The following PKD1 variants were observed in gnomAD, a reference collection of about 807,000 sequenced individuals.
PKD1 encodes the protein polycystin 1, transient receptor potential channel interacting.
PKD1 carries 81 observed loss-of-function variants against 361.7 expected under a neutral mutation model. That is an observed-to-expected ratio of 0.22 (90% CI 0.19 to 0.27). The LOEUF (loss-of-function observed/expected upper bound fraction) is 0.27, where lower values mean the gene tolerates loss of function less well. PKD1 is among the 10% of genes least tolerant of loss of function. The pLI, the probability that PKD1 is intolerant of heterozygous loss-of-function variation, is 1.00. For missense variants in PKD1, 6,399 were observed against 6,118.3 expected (o/e 1.05, Z -1.53); for synonymous variants, 3,615 against 2,818.3 (o/e 1.28, Z -8.95).
chr16:2,090,200 G>T lies in PKD1; in HGVS notation c.12445-6C>A. Reference sequence around the variant, plus strand: ...AAGCGGACTTTGTGGCGGAACTGGGGGCGGCACAGGGGCTCAGTCAGTCCG... The same window carrying T: ...AAGCGGACTTTGTGGCGGAACTGGGTGCGGCACAGGGGCTCAGTCAGTCCG... On this transcript the variant is annotated splice_polypyrimidine_tract_variant and splice_region_variant and intron_variant, in intron 45 of 45. Coordinates refer to ENST00000262304, the MANE Select transcript of PKD1 (RefSeq NM_001009944.3). 6.2e-7 allele frequency: 1 copy of T among 1,606,628 alleles called. No homozygotes were observed. The highest frequency in any genetic ancestry group is 8.5e-7 in the Non-Finnish European group (1 of 1,176,666).
Position 2,094,027 on chromosome 16 carries a change from G to C in PKD1, c.10619-14C>G. The C allele has an allele frequency of 6.3e-7, 1 of 1,591,420 alleles. No individual in the cohort carries two copies. Among genetic ancestry groups the C allele is most frequent in the Admixed American group, 1.7e-5 (1 of 57,392 alleles). ...CCTCCACCAGTCCTGGGGAAGCAGAGACAGACCTGTGAGAGGCAGCTCACA... is the reference window on the plus strand; with the variant it reads ...CCTCCACCAGTCCTGGGGAAGCAGACACAGACCTGTGAGAGGCAGCTCACA... On this transcript the variant is annotated splice_polypyrimidine_tract_variant and intron_variant, in intron 35 of 45. Transcript: ENST00000262304.
In PKD1 at chr16:2,093,796, T is replaced by G; in HGVS notation, c.10821+15A>C. The G allele has an allele frequency of 6.4e-7, 1 of 1,554,602 alleles. No homozygotes were observed. The highest frequency in any genetic ancestry group is 1.9e-5 in the Admixed American group (1 of 53,260). On this transcript the variant is annotated intron_variant, in intron 36 of 45. Coordinates refer to ENST00000262304, the MANE Select transcript of PKD1 (RefSeq NM_001009944.3). ...GTGATGGAGGCCTGTAGCCTACCCC[T>G]GGCAGCCCCCTCACCTTCAGTGGCT...
At chr16:2,124,544 G>A (rs539304130) in intron 1 of PKD1, among the ~76,000 whole-genome samples, 1 of 152,198 alleles carries the variant, frequency 6.6e-6, no homozygotes, top group South Asian at 2.1e-4. Flanking sequence ...TGGGTGTGGG[G>A]CAGCTCCCGG....
In PKD1 at chr16:2,088,891, A is replaced by ACACC; in HGVS notation, c.*835_*836insGGTG. The ACACC allele has an allele frequency of 4.5e-6, 2 of 446,968 alleles. No homozygotes were observed. The highest frequency in any genetic ancestry group is 4.0e-6 in the Non-Finnish European group (1 of 247,646). 27.7% of individuals were successfully genotyped at this position (446,968 alleles called of 1,614,324 possible). ...CGCGCGTGCGCGCGCGCACACACAC[A>ACACC]CACACACAGTCACCTTCCTCCACCC... is the stretch of plus-strand genomic sequence containing the variant. On this transcript the variant is annotated 3_prime_UTR_variant, in exon 46 of 46. Transcript: ENST00000262304.
At position 2,109,952 on chromosome 16, in the gene PKD1, T is replaced by C. The variant is rs1392081711; in HGVS notation, c.5215A>G (p.Ser1739Gly). Residue 1739 changes from serine to glycine, a missense_variant, in exon 15 of 46, where the codon AGT (serine) becomes GGT (glycine). Physicochemically the swap from Ser to Gly is moderately conservative, Grantham distance 56 (BLOSUM62 0). Transcript: ENST00000262304. ...CCACTGCCACCAGCCAGCTCGGCAC[T>C]GAGGGTGACGCTTGTGTTGACGGCA... ...PAAVNTSVTLSAELAGGSGVV... is the reference protein window; with the variant it reads ...PAAVNTSVTLGAELAGGSGVV... The C allele has an allele frequency of 6.2e-7, 1 of 1,609,998 alleles. No homozygotes were observed. The highest frequency in any genetic ancestry group is 1.3e-5 in the African/African-American group (1 of 74,844).
intron 1 of PKD1, among the ~76,000 whole-genome samples, chr16:2,130,373 C>G (rs1002031405): frequency 3.3e-5 from 5 of 152,302 alleles, no homozygotes; most frequent in Admixed American, 2.0e-4. Context: ...CTGGGCAGCT[C>G]CCTGTGGGAG....
In PKD1 at chr16:2,109,767, C is replaced by A. The variant is rs1266645537; in HGVS notation, c.5400G>T (p.Val1800=). Residue 1800 remains valine, a synonymous_variant, in exon 15 of 46, where the codon GTG becomes GTT. Coordinates refer to ENST00000262304, the MANE Select transcript of PKD1 (RefSeq NM_001009944.3). ...ANATVEVDVQ[V]PVSGLSIRAS... ...CCCTGATGCTGAGGCCACTCACAGG[C>A]ACCTGCACATCCACTTCCACGGTGG... 5 of 1,609,738 alleles carry A rather than the reference C, an allele frequency of 3.1e-6. No homozygotes were observed. The highest frequency in any genetic ancestry group is 1.1e-5 in the South Asian group (1 of 90,840).
Position 2,090,004 on chromosome 16 carries a change from G to A in PKD1, c.12635C>T (p.Pro4212Leu), listed in dbSNP as rs373239537. The A allele has an allele frequency of 1.9e-6, 3 of 1,610,130 alleles. No homozygotes were observed. Among genetic ancestry groups the A allele is most frequent in the African/African-American group, 2.7e-5 (2 of 75,038 alleles). ...GRLGTRCEPE[P>L]SRLQAVFEAL... Reference sequence around the variant, plus strand: ...CTCGAACACGGCTTGGAGGCGGGAGGGCTCAGGCTCACACCTTGTCCCCAG... The same window carrying A: ...CTCGAACACGGCTTGGAGGCGGGAGAGCTCAGGCTCACACCTTGTCCCCAG... Residue 4212 changes from proline (P) to leucine (L), a missense_variant, in exon 46 of 46, where the codon CCC (proline) becomes CTC (leucine). Physicochemically the swap from Pro to Leu is moderately conservative, Grantham distance 98 (BLOSUM62 -3). Coordinates refer to ENST00000262304, the MANE Select transcript of PKD1 (RefSeq NM_001009944.3).
At chr16:2,120,942 G>A (rs1473292758) in intron 1 of PKD1, among the ~76,000 whole-genome samples, 5 of 151,984 alleles carry the variant, frequency 3.3e-5, no homozygotes, top group East Asian at 1.9e-4. Context: ...ACGTGAACCC[G>A]GGAGGCGAAG....
Position 2,103,525 on chromosome 16 carries a change from G to C in PKD1, c.8532C>G (p.Val2844=), listed in dbSNP as rs771793824. Residue 2844 remains valine (V), a synonymous_variant, in exon 23 of 46, where the codon GTC becomes GTG. Transcript: ENST00000262304. ...FPFGYISNYT[V]STKVASMAFQ... is the part of the protein sequence containing the mutation. ...ATGCCATCGAGGCCACCTTGGTGGA[G>C]ACGGTGTAGTTGCTGATATAGCCAA... 1.8e-5 allele frequency: 29 copies of C among 1,607,264 alleles called. No homozygotes were observed. The highest frequency in any genetic ancestry group is 2.5e-5 in the Non-Finnish European group (29 of 1,179,714).
At position 2,089,812 on chromosome 16, in the gene PKD1, C is replaced by G. The variant is rs1188304476; in HGVS notation, c.12827G>C (p.Arg4276Pro). 1.9e-6 allele frequency: 3 copies of G among 1,600,346 alleles called. No homozygotes were observed. The highest frequency in any genetic ancestry group is 2.6e-6 in the Non-Finnish European group (3 of 1,174,244). ...LRPALPSRLARASRGVDLATG... is the reference protein window; with the variant it reads ...LRPALPSRLAPASRGVDLATG... ...GGCCAGGTCCACACCCCGACTGGCCCGGGCAAGGCGGCTGGGCAGTGCTGG... is the reference window on the plus strand; with the variant it reads ...GGCCAGGTCCACACCCCGACTGGCCGGGGCAAGGCGGCTGGGCAGTGCTGG... Residue 4276 changes from arginine to proline, a missense_variant, in exon 46 of 46, where the codon CGG (arginine) becomes CCG (proline). By Grantham distance (103) the Arg-to-Pro change is moderately radical. Transcript: ENST00000262304.
rs755858661 is a variant in PKD1 at position 2,111,264 on chromosome 16, G to A, written c.3903C>T (p.Pro1301=). ...VFVLEVLRVE[P]AACIPTQPDA... is the part of the protein sequence containing the mutation. ...CAGGCTGCGTGGGGATGCAGGCGGC[G>A]GGTTCAACGCGCAGCACCTCCAGGA... The change falls in exon 15 of 46, where the codon CCC becomes CCT. Residue 1301 remains proline, a synonymous_variant. Coordinates refer to ENST00000262304, the MANE Select transcript of PKD1 (RefSeq NM_001009944.3). 6.5e-5 allele frequency: 105 copies of A among 1,609,824 alleles called. No homozygotes were observed. In the East Asian group the frequency reaches 7.6e-4, roughly 12 times the overall value.
rs776890572 is a variant in PKD1, at chr16:2,109,071, G to T, written c.6096C>A (p.Ala2032=). The T allele has an allele frequency of 6.2e-7, 1 of 1,605,644 alleles. No homozygotes were observed. The highest frequency in any genetic ancestry group is 8.5e-7 in the Non-Finnish European group (1 of 1,175,130). Residue 2032 remains alanine, a synonymous_variant, in exon 15 of 46, where the codon GCC becomes GCA. Transcript: ENST00000262304. ...SGRDVTYTPV[A]AGLLEIQVRA... Reference sequence around the variant, plus strand: ...GCACCTGGATCTCCAACAGCCCCGCGGCCACGGGCGTGTAGGTGACGTCGC... The same window carrying T: ...GCACCTGGATCTCCAACAGCCCCGCTGCCACGGGCGTGTAGGTGACGTCGC...
At position 2,100,621 on chromosome 16, in the gene PKD1, C is replaced by T. The variant is rs570980086; in HGVS notation, c.9398-55G>A. On this transcript the variant is annotated intron_variant, in intron 26 of 45. Transcript: ENST00000262304. This position sits in a 1 kb window ranked among gnomAD's most constrained non-coding sequence, Gnocchi z 4.4. Reference sequence around the variant, plus strand: ...TCGGTCTGCTGCCCAACACGTGTGGCATCCCAGGCAAGTCATCTCAGCTTT... The same window carrying T: ...TCGGTCTGCTGCCCAACACGTGTGGTATCCCAGGCAAGTCATCTCAGCTTT... 20 of 1,481,026 alleles carry T rather than the reference C, an allele frequency of 1.4e-5. No individual in the cohort carries two copies. The African/African-American group carries it at 2.5e-4, about 18-fold the overall frequency. The allele number at this position is 1,481,026 out of a possible 1,614,324, so 91.7% of individuals were successfully genotyped here.
chr16:2,108,969 C>T lies in PKD1; in HGVS notation c.6198G>A (p.Leu2066=), dbSNP rs2092431386. The change falls in exon 15 of 46, where the codon CTG becomes CTA. Residue 2066 remains leucine (L), a synonymous_variant. Transcript: ENST00000262304. The part of the protein sequence containing the change: ...EVQDAVQYVA[L]QSGPCFTNRS... ...GGTTGGTGAAGCAGGGGCCGCTCTG[C>T]AGGGCCACATACTGGACGGCGTCCT... The T allele has an allele frequency of 6.2e-7, 1 of 1,609,664 alleles. No individual in the cohort carries two copies. The highest frequency in any genetic ancestry group is 8.5e-7 in the Non-Finnish European group (1 of 1,179,238).
chr16:2,092,601 G>GC lies in PKD1; in HGVS notation c.11157-10dup, dbSNP rs765537623. ...GCCAGAGCTCCTCAGACCTGCCACA[G>GC]CATCAGTCACACGCTCCAGCCCCTA... is the stretch of plus-strand genomic sequence containing the variant. On this transcript the variant is annotated splice_polypyrimidine_tract_variant and intron_variant, in intron 38 of 45. Transcript: ENST00000262304. 6.3e-7 allele frequency: 1 copy of GC among 1,586,098 alleles called. No individual in the cohort carries two copies. Among genetic ancestry groups the GC allele is most frequent in the East Asian group, 2.2e-5 (1 of 44,630 alleles).
chr16:2,129,541 A>ATTTT (rs71148122), intron 1 of PKD1, among the ~76,000 whole-genome samples: 1 of 72,098 alleles, frequency 1.4e-5, no homozygotes, highest in Non-Finnish European at 2.5e-5. Flanking sequence ...AGATCCTGTG[A>ATTTT]TTTTTTTTTT....
intron 39 of PKD1, 100 bp from the exon 40 acceptor site, chr16:2,092,288 C>T (rs2091629025): frequency 7.8e-7 from 1 of 1,275,222 alleles, no homozygotes; most frequent in African/African-American, 1.5e-5. Flanking sequence ...TTCGGCGCCA[C>T]CCCAGGGAAC....
chr16:2,135,367 C>T (rs1325152385), intron 1 of PKD1, 108 bp downstream of exon 1: 1 of 1,063,266 alleles, frequency 9.4e-7, no homozygotes, highest in Non-Finnish European at 1.1e-6. Context: ...GGAGCCTCGC[C>T]CTGGGAGCGT....
Sources: gnomAD v4.1 joint callset for allele counts (sites outside exome capture counted in the v4.1 genomes callset) on GRCh38, gnomAD v4.1.1 for gene constraint, Gnocchi (gnomAD v3.1) non-coding constraint, MANE v1.5 for transcripts, NCBI Gene and HGNC (gene_info 2026-07-23, HGNC 2026-07-21) for gene names.